Variants in SOX30 observed in about 807,000 individuals in gnomAD.
SOX30 encodes the protein SRY-box transcription factor 30.
In SOX30, 17 loss-of-function variants were observed where a neutral mutation model predicts 58.6. That is an observed-to-expected ratio of 0.29 (90% CI 0.20 to 0.44). SOX30 has a LOEUF of 0.44. SOX30 is among the 20% of genes least tolerant of loss of function. SOX30 has a pLI of 1.00. For missense variants in SOX30, 951 were observed against 965.8 expected (o/e 0.98, Z 0.20); for synonymous variants, 421 against 400.2 (o/e 1.05, Z -0.62).
At chr5:157,637,868 A>C (rs1377282622) in intron 4 of SOX30, among the ~76,000 whole-genome samples, 1 of 151,972 alleles carries the variant, frequency 6.6e-6, no homozygotes, top group Non-Finnish European at 1.5e-5. Flanking sequence ...TAATTTTTGT[A>C]TTTTTAGTAG....
rs3749797 is a variant in SOX30 at position 157,651,467 on chromosome 5, C to G, written c.612G>C (p.Pro204=). ...DSMQGGAGKS[P]AAIREGVIKT... ...TGATCACACCTTCTCGGATGGCTGC[C>G]GGGCTTTTGCCTGCCCCGCCTTGCA... The change falls in exon 1 of 5, where the codon CCG becomes CCC. Residue 204 remains proline (P), a synonymous_variant. Coordinates refer to ENST00000265007, the MANE Select transcript of SOX30 (RefSeq NM_178424.2). 221,486 of 1,613,272 alleles carry G rather than the reference C, an allele frequency of 0.14. 16,464 individuals are homozygous for G. The highest frequency in any genetic ancestry group is 0.27 in the African/African-American group (20,176 of 75,028).
exon 1 of SOX30, chr5:157,671,478 T>G: frequency 1.5e-6 from 1 of 677,488 alleles, no homozygotes; most frequent in Non-Finnish European, 2.5e-6. Context: ...CCGCAGCCAA[T>G]ATGTGTCTCC....
At chr5:157,663,593 T>A (rs1336413584) in intron 2 of SOX30, among the ~76,000 whole-genome samples, 1 of 152,132 alleles carries the variant, frequency 6.6e-6, no homozygotes, top group Non-Finnish European at 1.5e-5. Flanking sequence ...GTGTTGGAAG[T>A]TCTGGCCAGG....
Position 157,651,134 on chromosome 5 carries a change from G to T in SOX30, c.945C>A (p.Leu315=). The T allele has an allele frequency of 6.4e-7, 1 of 1,556,746 alleles. No homozygotes were observed. Among genetic ancestry groups the T allele is most frequent in the Non-Finnish European group, 8.7e-7 (1 of 1,151,284 alleles). ...TACCTGCATCTGAGGGCAACACGGT[G>T]AGCGGGACATCTTTGGTTTCAATTT... ...SVKIETKDVP[L]TVLPSDAGIP... is the part of the protein sequence containing the mutation. Residue 315 remains leucine (L), a synonymous_variant, in exon 1 of 5, where the codon CTC becomes CTA. Coordinates refer to ENST00000265007, the MANE Select transcript of SOX30 (RefSeq NM_178424.2).
chr5:157,666,895 G>A (rs1483329963), intron 2 of SOX30, among the ~76,000 whole-genome samples: 1 of 152,026 alleles, frequency 6.6e-6, no homozygotes, highest in Non-Finnish European at 1.5e-5. Flanking sequence ...CAGTAGGGAC[G>A]GGGTTTCATC....
intron 2 of SOX30, among the ~76,000 whole-genome samples, chr5:157,665,605 TAAAA>T (rs1041565611): frequency 1.1e-4 from 13 of 121,504 alleles, no homozygotes; most frequent in Non-Finnish European, 1.9e-4. Context: ...TAATAAAAAA[TAAAA>T]TAAAATAAAA....
chr5:157,643,077 AT>A (rs916414803), intron 3 of SOX30, among the ~76,000 whole-genome samples: 12 of 150,662 alleles, frequency 8.0e-5, no homozygotes, highest in East Asian at 5.8e-4. Context: ...TCACCCAAGA[AT>A]TTTTTTTTTA....
intron 2 of SOX30, among the ~76,000 whole-genome samples, chr5:157,658,456 G>A (rs901807049): frequency 6.6e-6 from 1 of 152,194 alleles, no homozygotes; most frequent in South Asian, 2.1e-4. Flanking sequence ...CTGCTCAGAA[G>A]AAACAAGAGG....
chr5:157,634,405 C>T (rs1321236641), intron 4 of SOX30, among the ~76,000 whole-genome samples: 1 of 152,022 alleles, frequency 6.6e-6, no homozygotes, highest in African/African-American at 2.4e-5. Flanking sequence ...GGGGTAGAGA[C>T]AAGGTCTCAC....
intron 4 of SOX30, among the ~76,000 whole-genome samples, chr5:157,634,097 G>C (rs1758870316): frequency 6.6e-6 from 1 of 152,206 alleles, no homozygotes; most frequent in South Asian, 2.1e-4. Flanking sequence ...CCAGAGAGGG[G>C]GAGCAGCACT....
chr5:157,633,780 C>A (rs1369790033), intron 4 of SOX30, among the ~76,000 whole-genome samples: 1 of 152,186 alleles, frequency 6.6e-6, no homozygotes. Context: ...CTTACTTTCC[C>A]TACAATATAT....
chr5:157,635,873 A>G (rs554536213), intron 4 of SOX30, among the ~76,000 whole-genome samples: 1 of 152,314 alleles, frequency 6.6e-6, no homozygotes, highest in East Asian at 1.9e-4. Flanking sequence ...GCTAGCAACT[A>G]ACAGCTGCCA....
rs1758668729 is a variant in SOX30, at chr5:157,626,802, C to T, written c.1881-81G>A. ...TACAGACTAACAGAGCAAGTTAATG[C>T]CTCCTCTTTGGGGTTTGGAAAGTTC... On this transcript the variant is annotated intron_variant, in intron 4 of 4. Transcript: ENST00000265007. The T allele has an allele frequency of 2.1e-6, 3 of 1,456,790 alleles. No individual in the cohort carries two copies. In the South Asian group the frequency reaches 4.1e-5, roughly 20 times the overall value. The allele number at this position is 1,456,790 out of a possible 1,614,324, so 90.2% of individuals were successfully genotyped here.
At chr5:157,646,548 T>G in intron 3 of SOX30, 89 bp downstream of exon 3, 1 of 951,222 alleles carries the variant, frequency 1.1e-6, no homozygotes, top group South Asian at 1.7e-5. Flanking sequence ...TCCAAATTCT[T>G]AAGACTAACA....
intron 4 of SOX30, 44 bp from the exon 5 acceptor site, chr5:157,626,765 T>C: frequency 6.5e-7 from 1 of 1,546,968 alleles, no homozygotes; most frequent in South Asian, 1.3e-5. Flanking sequence ...CTTGCCCACA[T>C]ATTGCCTTGC....
At chr5:157,647,548 C>A (rs373366348) in intron 2 of SOX30, among the ~76,000 whole-genome samples, 1 of 151,934 alleles carries the variant, frequency 6.6e-6, no homozygotes, top group Non-Finnish European at 1.5e-5. Flanking sequence ...GCAATAGTCA[C>A]TAATGATCAG....
chr5:157,628,938 G>A (rs978301342), intron 4 of SOX30, among the ~76,000 whole-genome samples: 17 of 152,054 alleles, frequency 1.1e-4, no homozygotes, highest in African/African-American at 4.1e-4. Context: ...ACCGTGCACG[G>A]CCAAATACAC....
At chr5:157,654,227 A>G (rs1028173072), upstream of SOX30, among the ~76,000 whole-genome samples, 5 of 152,126 alleles carry the variant, frequency 3.3e-5, no homozygotes, top group Admixed American at 1.3e-4. Flanking sequence ...GATTTCATCT[A>G]TCAATATTTA....
At chr5:157,631,607 A>C (rs11960823) in intron 4 of SOX30, among the ~76,000 whole-genome samples, 1 of 151,804 alleles carries the variant, frequency 6.6e-6, no homozygotes, top group Non-Finnish European at 1.5e-5. Flanking sequence ...CTAAAAATAC[A>C]AAAATAAGCC....
Sources: gnomAD v4.1 joint callset for allele counts (sites outside exome capture counted in the v4.1 genomes callset) on GRCh38, gnomAD v4.1.1 for gene constraint, MANE v1.5 for transcripts, NCBI Gene and HGNC (gene_info 2026-07-23, HGNC 2026-07-21) for gene names.